PROX2: variants seen among roughly 807,000 people sequenced by gnomAD.
The protein encoded by PROX2 is prospero homeobox protein 2.
Under a neutral mutation model 48.9 loss-of-function variants are expected in PROX2, and 46 were observed. The ratio of observed to expected loss-of-function variants is 0.94; its 90% CI spans 0.74 to 1.20. PROX2 has a LOEUF of 1.20. Among genes scored for constraint, PROX2 ranks in the 50% most tolerant of loss-of-function variants. The pLI, the probability that PROX2 is intolerant of heterozygous loss-of-function variation, is 0.00. For missense variants in PROX2, 663 were observed against 719.4 expected, an observed-to-expected ratio of 0.92 and a Z score of 0.90; for synonymous variants, 260 against 276.6, an observed-to-expected ratio of 0.94 and a Z score of 0.60.
chr14:74,857,592 G>C (rs2091754376), intron 4 of PROX2: 1 of 152,514 alleles, frequency 6.6e-6, no homozygotes, highest in Non-Finnish European at 1.5e-5. Context: ...TGGGAACAGG[G>C]GAGGTCTGGT....
chr14:74,853,882 T>A lies in PROX2; in HGVS notation c.*1250A>T, dbSNP rs2091722994. The A allele has an allele frequency of 6.4e-6, 1 of 155,858 alleles. No individual in the cohort carries two copies. The highest frequency in any genetic ancestry group is 1.8e-4 in the South Asian group (1 of 5,480). The allele number at this position is 155,858 out of a possible 1,614,324, so 9.7% of individuals were successfully genotyped here. ...CATGCCTTGCCTATATACTCAAGAG[T>A]GGGTCACAATTGTGCTGGGCCAGCA... On this transcript the variant is annotated 3_prime_UTR_variant, in exon 6 of 6. Coordinates refer to ENST00000556489, the MANE Select transcript of PROX2 (RefSeq NM_001243007.2).
chr14:74,858,846 G>T (rs961140773), intron 3 of PROX2: 2 of 60,736 alleles, frequency 3.3e-5, no homozygotes, highest in Admixed American at 1.5e-4. Context: ...GGTGTATTGT[G>T]TGTGTGTGTG....
intron 2 of PROX2, among the ~76,000 whole-genome samples, chr14:74,870,033 G>T (rs1332569675): frequency 6.6e-6 from 1 of 152,114 alleles, no homozygotes; most frequent in Non-Finnish European, 1.5e-5. Context: ...GCCATATTAT[G>T]CAACCGTTTT....
intron 1 of PROX2, among the ~76,000 whole-genome samples, chr14:74,873,199 G>T (rs2140175445): frequency 6.6e-6 from 1 of 152,162 alleles, no homozygotes; most frequent in South Asian, 2.1e-4. Context: ...TAGCCAGGAT[G>T]GTCTCAATCT....
chr14:74,870,439 A>AAAAACACACACACACACAC (rs766736707), intron 2 of PROX2, among the ~76,000 whole-genome samples: 3 of 29,932 alleles, frequency 1.0e-4, no homozygotes, highest in African/African-American at 2.4e-4. Context: ...AAAAAAAAAA[A>AAAAACACACACACACACAC]ATACACACAC....
chr14:74,873,043 TG>T lies in PROX2; in HGVS notation c.-309-1807del, dbSNP rs577017189. Among the ~76,000 whole-genome samples the T allele has an allele frequency of 2.4e-4, 37 of 152,292 alleles. No homozygotes were observed. The South Asian group carries it at 7.5e-3, about 31-fold the overall frequency. On this transcript the variant is annotated intron_variant, in intron 1 of 5. Transcript: ENST00000556489. ...CTGTGTCACCCAGGCTGGAGTGCAG[TG>T]GCGATCTTGGCTCACTGCAACCTCC...
In PROX2 at chr14:74,862,813, T is replaced by C. The variant is rs1034737728; in HGVS notation, c.1022A>G (p.Gln341Arg). The change falls in exon 3 of 6, where the codon CAG becomes CGG. Residue 341 changes from glutamine (Q) to arginine (R), a missense_variant. Physicochemically the swap from Gln to Arg is conservative, Grantham distance 43 (BLOSUM62 1). Coordinates refer to ENST00000556489, the MANE Select transcript of PROX2 (RefSeq NM_001243007.2). ...TAGCTGGCTAAGAATCTGATTTTCC[T>C]GGATGTGGGAAGGTGCAGTCAAGGG... ...NFPLTAPSHI[Q>R]ENQILSQLLG... 7 of 1,613,930 alleles carry C rather than the reference T, an allele frequency of 4.3e-6. No homozygotes were observed. Among genetic ancestry groups the C allele is most frequent in the Non-Finnish European group, 5.9e-6 (7 of 1,179,900 alleles).
At position 74,856,497 on chromosome 14, in the gene PROX2, A is replaced by G. The variant is rs187356940; in HGVS notation, c.1608+304T>C. On this transcript the variant is annotated intron_variant, in intron 5 of 5. Coordinates refer to ENST00000556489, the MANE Select transcript of PROX2 (RefSeq NM_001243007.2). ...TCCTGAGCCTCCTGGCACTAAGGCA[A>G]AAAGGTCAGGAAGTTATGTAACTTG... 9 of 295,214 alleles carry G rather than the reference A, an allele frequency of 3.0e-5. No individual in the cohort carries two copies. In the East Asian group the frequency reaches 5.3e-4, roughly 17 times the overall value. 18.3% of individuals were successfully genotyped at this position (295,214 alleles called of 1,614,324 possible). A position where few individuals can be genotyped will look rare whatever the true frequency, so the allele number is the denominator to read the frequency against.
chr14:74,868,756 G>A (rs1179790969), intron 2 of PROX2, among the ~76,000 whole-genome samples: 28 of 151,876 alleles, frequency 1.8e-4, no homozygotes, highest in Non-Finnish European at 7.4e-5. Flanking sequence ...AGAATGGCGT[G>A]AACCCAGGGG....
chr14:74,858,453 C>G lies in PROX2; in HGVS notation c.1367G>C (p.Arg456Pro), dbSNP rs768990097. 8 of 1,586,060 alleles carry G rather than the reference C, an allele frequency of 5.0e-6. No homozygotes were observed. In the Admixed American group the frequency reaches 1.2e-4, roughly 25 times the overall value. ...KKAKLMFFFT[R>P]YPSSNLLKVY... ...CTTCAGGAGGTTGGAGCTGGGATAT[C>G]GTGTGAAGAAAAACATTAGTTTGGC... is the stretch of plus-strand genomic sequence containing the variant. The change falls in exon 4 of 6, where the codon CGA becomes CCA. Residue 456 changes from arginine to proline, a missense_variant. By Grantham distance (103) the Arg-to-Pro change is moderately radical (BLOSUM62 -2). Coordinates refer to ENST00000556489, the MANE Select transcript of PROX2 (RefSeq NM_001243007.2).
At position 74,863,495 on chromosome 14, in the gene PROX2, G is replaced by T. The variant is rs1337909931; in HGVS notation, c.340C>A (p.Leu114Ile). ...RKQNLPTPQG[L>I]LMPAPAWDQG... ...TCCCAGGCAGGGGCTGGCATCAGGA[G>T]GCCTTGCGGTGTGGGAAGGTTCTGC... Residue 114 changes from leucine (L) to isoleucine (I), a missense_variant, in exon 3 of 6, where the codon CTC becomes ATC. Physicochemically the swap from Leu to Ile is conservative, Grantham distance 5. Coordinates refer to ENST00000556489, the MANE Select transcript of PROX2 (RefSeq NM_001243007.2). The T allele has an allele frequency of 1.9e-6, 3 of 1,613,622 alleles. No homozygotes were observed. Among genetic ancestry groups the T allele is most frequent in the Non-Finnish European group, 2.5e-6 (3 of 1,179,754 alleles).
intron 1 of PROX2, among the ~76,000 whole-genome samples, chr14:74,872,304 A>G (rs1282024495): frequency 6.6e-6 from 1 of 152,182 alleles, no homozygotes. Context: ...TTGGGAAAAC[A>G]TGTTTTTCTT....
At chr14:74,861,450 A>T (rs2140166632) in intron 3 of PROX2, among the ~76,000 whole-genome samples, 1 of 152,352 alleles carries the variant, frequency 6.6e-6, no homozygotes, top group Non-Finnish European at 1.5e-5. Flanking sequence ...GCAGAAAAGA[A>T]ACTATCTCAG....
chr14:74,857,115 C>A lies in PROX2; in HGVS notation c.1414-120G>T, dbSNP rs1453950224. The A allele has an allele frequency of 8.1e-6, 6 of 737,620 alleles. No individual in the cohort carries two copies. In the African/African-American group the frequency reaches 1.0e-4, roughly 13 times the overall value. 45.7% of individuals were successfully genotyped at this position (737,620 alleles called of 1,614,324 possible). ...CGGCTTTAACCAGCATTAACAGGGGCTTCCTTTAAAAAAAGAAGCGAAGCC... is the reference window on the plus strand; with the variant it reads ...CGGCTTTAACCAGCATTAACAGGGGATTCCTTTAAAAAAAGAAGCGAAGCC... On this transcript the variant is annotated intron_variant, in intron 4 of 5. Transcript: ENST00000556489.
rs549942287 is a variant in PROX2 at position 74,863,351 on chromosome 14, C to A, written c.484G>T (p.Gly162Trp). The A allele has an allele frequency of 2.5e-6, 4 of 1,614,066 alleles. No homozygotes were observed. In the South Asian group the frequency reaches 4.4e-5, roughly 18 times the overall value. The change falls in exon 3 of 6, where the codon GGG becomes TGG. Residue 162 changes from glycine to tryptophan, a missense_variant. Coordinates refer to ENST00000556489, the MANE Select transcript of PROX2 (RefSeq NM_001243007.2). ...TTCCCCGTGCCACAGCCTCCTGGCCCCTGAGCTGTGTCCCTGGGCTTGGCA... is the reference window on the plus strand; with the variant it reads ...TTCCCCGTGCCACAGCCTCCTGGCCACTGAGCTGTGTCCCTGGGCTTGGCA... ...QAAKPRDTAQ[G>W]PGGCGTGKGP...
intron 2 of PROX2, among the ~76,000 whole-genome samples, chr14:74,868,754 G>T (rs1469395688): frequency 6.6e-6 from 1 of 151,874 alleles, no homozygotes; most frequent in African/African-American, 2.4e-5. Context: ...GAAGAATGGC[G>T]TGAACCCAGG....
chr14:74,855,160 A>G lies in PROX2; in HGVS notation c.1751T>C (p.Ile584Thr), dbSNP rs749341074. Residue 584 changes from isoleucine (I) to threonine (T), a missense_variant, in exon 6 of 6, where the codon ATA (isoleucine) becomes ACA (threonine). Physicochemically the swap from Ile to Thr is moderately conservative, Grantham distance 89. Coordinates refer to ENST00000556489, the MANE Select transcript of PROX2 (RefSeq NM_001243007.2). The stretch of plus-strand genomic sequence containing the variant: ...CTGGGGATAGCTGGAAGATTTGAAT[A>G]TCTCTGGGATGTCACTGTCCAGTTT... ...ISKLDSDIPE[I>T]FKSSSYPQ The G allele has an allele frequency of 1.9e-6, 3 of 1,570,902 alleles. No homozygotes were observed. The highest frequency in any genetic ancestry group is 2.6e-6 in the Non-Finnish European group (3 of 1,151,180).
chr14:74,856,737 A>G (rs1019278089), intron 5 of PROX2, 64 bp downstream of exon 5: 1 of 1,442,746 alleles, frequency 6.9e-7, no homozygotes, highest in African/African-American at 1.4e-5. Context: ...GATCTTTCCT[A>G]AAACTCGAAT....
intron 2 of PROX2, among the ~76,000 whole-genome samples, 200 bp downstream of exon 2, chr14:74,870,903 G>A (rs947816054): frequency 9.2e-5 from 14 of 152,220 alleles, no homozygotes; most frequent in South Asian, 4.1e-4. Context: ...TTAGCTGGGC[G>A]TGGTGGCATG....
Sources: gnomAD v4.1 joint callset for allele counts (sites outside exome capture counted in the v4.1 genomes callset) on GRCh38, gnomAD v4.1.1 for gene constraint, MANE v1.5 for transcripts, NCBI Gene and HGNC (gene_info 2026-07-23, HGNC 2026-07-21) for gene names.